Variants in GPHN observed in about 807,000 individuals in gnomAD.
GPHN encodes gephyrin.
Under a neutral mutation model 95.5 loss-of-function variants are expected in GPHN, and 17 were observed. The observed-to-expected ratio is 0.18, with a 90% CI of 0.12 to 0.27. The LOEUF (loss-of-function observed/expected upper bound fraction) is 0.27, where lower values mean the gene tolerates loss of function less well. Ranked by LOEUF, GPHN falls within the 10% of genes least tolerant of loss-of-function variation. The pLI, the probability that GPHN is intolerant of heterozygous loss-of-function variation, is 1.00. For synonymous variants in GPHN, 320 were observed against 322.5 expected (o/e 0.99, Z 0.08); for missense variants, 660 against 978.1 (o/e 0.67, Z 4.34).
the GPHN span, among the ~76,000 whole-genome samples, chr14:67,552,716 G>T: frequency 6.6e-6 from 1 of 151,246 alleles, no homozygotes; most frequent in South Asian, 2.1e-4. Context: ...GCAGTGAGCC[G>T]AGATCGCACC....
chr14:67,547,450 C>A, the GPHN span, among the ~76,000 whole-genome samples: 1 of 152,188 alleles, frequency 6.6e-6, no homozygotes, highest in Non-Finnish European at 1.5e-5. Flanking sequence ...GGAAGAGATG[C>A]CTTGGGTTTC....
chr14:67,195,796 T>G, the GPHN span, among the ~76,000 whole-genome samples: 2 of 149,784 alleles, frequency 1.3e-5, no homozygotes, highest in African/African-American at 4.9e-5. Flanking sequence ...CAGGCTGGAG[T>G]GCAGTGGCAC....
At chr14:67,003,199 A>G (rs922446495) in intron 9 of GPHN, among the ~76,000 whole-genome samples, 1 of 151,654 alleles carries the variant, frequency 6.6e-6, no homozygotes, top group African/African-American at 2.4e-5. Flanking sequence ...TATTATCAGT[A>G]GTATATTGTC....
intron 1 of GPHN, among the ~76,000 whole-genome samples, chr14:66,546,558 T>G (rs1001850082): frequency 3.9e-5 from 6 of 152,106 alleles, no homozygotes; most frequent in African/African-American, 1.4e-4. Flanking sequence ...TCACTCACGG[T>G]TAGGAGCTGG....
the GPHN span, among the ~76,000 whole-genome samples, chr14:67,430,371 G>A: frequency 6.6e-6 from 1 of 152,220 alleles, no homozygotes; most frequent in Non-Finnish European, 1.5e-5. Flanking sequence ...TAGGGGACAA[G>A]GTGGCTCTTG....
chr14:66,549,744 G>C (rs140229880), intron 1 of GPHN, among the ~76,000 whole-genome samples: 3 of 152,274 alleles, frequency 2.0e-5, no homozygotes, highest in African/African-American at 7.2e-5. Flanking sequence ...AGGACATGCT[G>C]AGTCTCTCAT....
the GPHN span, among the ~76,000 whole-genome samples, chr14:67,325,831 CAG>C: frequency 6.7e-6 from 1 of 148,888 alleles, no homozygotes; most frequent in Non-Finnish European, 1.5e-5. Flanking sequence ...TTTTTTGAGA[CAG>C]AGTCTTACTC....
rs573170798 is a variant in GPHN, at chr14:66,945,211, A to C, written c.829-19980A>C. On this transcript the variant is annotated intron_variant, in intron 8 of 22. Coordinates refer to ENST00000478722, the MANE Select transcript of GPHN (RefSeq NM_020806.5). ...AAAAGGGAAACAGGAAACCTCAGCA[A>C]AGTGAGAGAGATTCCTGCTAGCAGG... Among the ~76,000 whole-genome samples the C allele has an allele frequency of 3.3e-5, 5 of 152,354 alleles. 1 individual carries two copies. The highest frequency in any genetic ancestry group is 1.2e-4 in the African/African-American group (5 of 41,592).
chr14:67,593,330 A>C, the GPHN span: 1 of 215,790 alleles, frequency 4.6e-6, no homozygotes. Context: ...TCTCTGCAAA[A>C]CATAGAAAAA....
chr14:67,405,494 T>C, the GPHN span, among the ~76,000 whole-genome samples: 12 of 152,116 alleles, frequency 7.9e-5, no homozygotes, highest in African/African-American at 2.9e-4. Flanking sequence ...CCCCACCCAG[T>C]ATGAAAAGTT....
At chr14:66,705,856 A>G (rs1281031748) in intron 2 of GPHN, among the ~76,000 whole-genome samples, 1 of 152,206 alleles carries the variant, frequency 6.6e-6, no homozygotes, top group Admixed American at 6.5e-5. Context: ...TTCACATAGG[A>G]AGAGAGGAAG....
At chr14:67,398,601 C>A in the GPHN span, among the ~76,000 whole-genome samples, 1 of 148,734 alleles carries the variant, frequency 6.7e-6, no homozygotes, top group African/African-American at 2.4e-5. Context: ...CGACCCTTCT[C>A]TTTATTCCTG....
rs111633655 is a variant in GPHN at position 67,090,965 on chromosome 14, C to T, written c.1237+1890C>T. ...GAAAGCCTTAGTAAACTACCTGGCA[C>T]ACATTTAAAAAAAAAAACACTTGAT... On this transcript the variant is annotated intron_variant, in intron 12 of 22. Transcript: ENST00000478722. 3.1e-3 allele frequency among the ~76,000 whole-genome samples: 465 copies of T among 150,438 alleles called. 5 individuals are homozygous for T. The highest frequency in any genetic ancestry group is 0.011 in the African/African-American group (447 of 40,994).
intron 1 of GPHN, among the ~76,000 whole-genome samples, chr14:66,587,842 C>A (rs1012420381): frequency 3.3e-5 from 5 of 152,214 alleles, no homozygotes; most frequent in Non-Finnish European, 7.3e-5. Context: ...TGCCTGCCAG[C>A]TCTGAAGAGA....
chr14:67,578,416 A>C, the GPHN span: 11 of 842,918 alleles, frequency 1.3e-5, no homozygotes, highest in Middle Eastern at 2.9e-4. The surrounding 1 kb of genome is among the most constrained non-coding windows in gnomAD (Gnocchi z 5.0). Flanking sequence ...CAGCACCCAG[A>C]GCAAGTTGGG....
At chr14:66,759,543 G>A (rs1043266810) in intron 2 of GPHN, among the ~76,000 whole-genome samples, 3 of 152,202 alleles carry the variant, frequency 2.0e-5, no homozygotes, top group African/African-American at 7.2e-5. Context: ...TCTGAGGTAA[G>A]AATAGCAACC....
At chr14:67,654,302 G>A in the GPHN span, among the ~76,000 whole-genome samples, 1 of 44,566 alleles carries the variant, frequency 2.2e-5, no homozygotes, top group African/African-American at 7.9e-5. Flanking sequence ...ATGAGGTCTC[G>A]CTATAGAGAT....
At chr14:67,073,338 T>C (rs2076379472) in intron 11 of GPHN, among the ~76,000 whole-genome samples, 1 of 152,142 alleles carries the variant, frequency 6.6e-6, no homozygotes, top group Non-Finnish European at 1.5e-5. Context: ...TTATCAGTGA[T>C]ATCCTACTCA....
the GPHN span, among the ~76,000 whole-genome samples, chr14:67,464,271 C>G: frequency 6.6e-6 from 1 of 152,200 alleles, no homozygotes; most frequent in Non-Finnish European, 1.5e-5. Flanking sequence ...AGGATGGAGG[C>G]TAAGGGTACC....
Sources: gnomAD v4.1 joint callset for allele counts (sites outside exome capture counted in the v4.1 genomes callset) on GRCh38, gnomAD v4.1.1 for gene constraint, Gnocchi (gnomAD v3.1) non-coding constraint, MANE v1.5 for transcripts, NCBI Gene and HGNC (gene_info 2026-07-23, HGNC 2026-07-21) for gene names.